Variants in STPG2 observed in about 807,000 individuals in gnomAD.
STPG2 encodes sperm-tail PG-rich repeat-containing protein 2.
Under a neutral mutation model 54.2 loss-of-function variants are expected in STPG2, and 56 were observed. The observed-to-expected ratio is 1.03, with a 90% confidence interval of 0.83 to 1.29. STPG2 has a LOEUF of 1.29. Ranked by LOEUF, STPG2 falls within the 50% of genes most tolerant of loss-of-function variation. The probability of loss-of-function intolerance (pLI) is 0.00; values close to 1 mark genes in which losing one functional copy is unlikely to be tolerated. For missense variants in STPG2, 596 were observed against 544.9 expected, an observed-to-expected ratio of 1.09 and a Z score of -0.93; for synonymous variants, 200 against 181.8, an observed-to-expected ratio of 1.10 and a Z score of -0.81.
intron 7 of STPG2, among the ~76,000 whole-genome samples, chr4:97,950,648 A>G (rs1733430347): frequency 6.6e-6 from 1 of 152,198 alleles, no homozygotes; most frequent in South Asian, 2.1e-4. Context: ...CCATTGCAAA[A>G]TTATAACTGA....
At chr4:97,543,828 G>C (rs1235098782) in intron 4 of STPG2, among the ~76,000 whole-genome samples, 2 of 152,026 alleles carry the variant, frequency 1.3e-5, no homozygotes, top group African/African-American at 4.8e-5. Context: ...ATCTTGGTAA[G>C]AATCACCTGG....
intron 8 of STPG2, among the ~76,000 whole-genome samples, chr4:97,908,579 A>G (rs1351289108): frequency 8.5e-5 from 13 of 152,130 alleles, no homozygotes; most frequent in South Asian, 4.2e-4. Flanking sequence ...TGTTTATTGC[A>G]GCATTATTCA....
At chr4:97,492,179 A>T (rs115331371) in intron 4 of STPG2, among the ~76,000 whole-genome samples, 3,883 of 151,534 alleles carry the variant, frequency 0.026, 83 homozygotes, top group Middle Eastern at 0.034. Flanking sequence ...CTGGTGCCAA[A>T]GGGAAGAGAA....
chr4:98,017,477 C>G (rs1364249120), intron 5 of STPG2, among the ~76,000 whole-genome samples: 1 of 152,172 alleles, frequency 6.6e-6, no homozygotes, highest in Non-Finnish European at 1.5e-5. Flanking sequence ...CTTCATCTTC[C>G]TTTCCCAACA....
intron 10 of STPG2, among the ~76,000 whole-genome samples, chr4:97,633,007 T>C (rs546033033): frequency 6.6e-5 from 10 of 152,228 alleles, no homozygotes; most frequent in African/African-American, 1.9e-4. Context: ...GGTAGATCAA[T>C]AGATAGACAG....
At chr4:97,898,407 C>G (rs1201715187) in intron 8 of STPG2, among the ~76,000 whole-genome samples, 1 of 151,664 alleles carries the variant, frequency 6.6e-6, no homozygotes, top group Non-Finnish European at 1.5e-5. Context: ...ATAAGAAACT[C>G]TCAAAAATCC....
chr4:97,538,648 C>A (rs559775453), intron 4 of STPG2, among the ~76,000 whole-genome samples: 1 of 152,124 alleles, frequency 6.6e-6, no homozygotes. Flanking sequence ...ACTTCCCCAA[C>A]CTAGCAAGGC....
intron 9 of STPG2, among the ~76,000 whole-genome samples, chr4:97,736,495 C>T (rs1312854824): frequency 6.6e-6 from 1 of 152,150 alleles, no homozygotes; most frequent in East Asian, 1.9e-4. Flanking sequence ...AAAATTGGGT[C>T]ACTCCCACCC....
intron 9 of STPG2, among the ~76,000 whole-genome samples, chr4:97,739,591 C>T (rs375864447): frequency 4.1e-4 from 63 of 152,242 alleles, no homozygotes; most frequent in East Asian, 2.9e-3. Flanking sequence ...AACACCTCTA[C>T]GCAAATAAAC....
At chr4:98,041,643 A>T (rs28867388) in intron 5 of STPG2, among the ~76,000 whole-genome samples, 59,877 of 151,732 alleles carry the variant, frequency 0.39, 12,038 homozygotes, top group Middle Eastern at 0.46. Flanking sequence ...ATTTATTGAT[A>T]TGTATATGTT....
intron 8 of STPG2, among the ~76,000 whole-genome samples, chr4:97,908,439 T>C (rs907582778): frequency 6.7e-6 from 1 of 149,928 alleles, no homozygotes; most frequent in Non-Finnish European, 1.5e-5. Flanking sequence ...AGTTCAACCA[T>C]TGTGGAAGTC....
chr4:97,691,365 C>T (rs1188430916), intron 10 of STPG2, among the ~76,000 whole-genome samples: 3 of 152,128 alleles, frequency 2.0e-5, no homozygotes, highest in African/African-American at 7.2e-5. Context: ...TTTCAGGGTA[C>T]AGGCTGCGTG....
At chr4:97,653,861 C>T (rs1358605953) in intron 10 of STPG2, among the ~76,000 whole-genome samples, 2 of 152,022 alleles carry the variant, frequency 1.3e-5, no homozygotes, top group South Asian at 2.1e-4. Context: ...GAAGAAAGAC[C>T]GCTAATAAAG....
chr4:98,106,373 T>C (rs973435713), intron 4 of STPG2, among the ~76,000 whole-genome samples: 2 of 152,146 alleles, frequency 1.3e-5, no homozygotes, highest in Non-Finnish European at 2.9e-5. Context: ...CTGTGTAGTC[T>C]ATGTACCATT....
At chr4:98,061,393 G>T (rs1196615080) in intron 5 of STPG2, among the ~76,000 whole-genome samples, 1 of 152,138 alleles carries the variant, frequency 6.6e-6, no homozygotes, top group Non-Finnish European at 1.5e-5. Context: ...TGCAGAGCAG[G>T]AGGAAGAGAG....
intron 10 of STPG2, among the ~76,000 whole-genome samples, chr4:97,685,506 G>C (rs995660703): frequency 2.6e-5 from 4 of 152,082 alleles, no homozygotes; most frequent in African/African-American, 7.2e-5. Context: ...AAATTACAGA[G>C]ATAGTAAAAA....
chr4:97,789,899 T>G (rs1273155670), intron 9 of STPG2, among the ~76,000 whole-genome samples: 1 of 152,194 alleles, frequency 6.6e-6, no homozygotes, highest in Non-Finnish European at 1.5e-5. Flanking sequence ...ATTTTCTTTC[T>G]TTTTAGTCTT....
intron 5 of STPG2, among the ~76,000 whole-genome samples, chr4:98,104,503 G>A (rs1212732788): frequency 3.3e-5 from 5 of 152,114 alleles, no homozygotes; most frequent in African/African-American, 1.2e-4. Flanking sequence ...TACTGTGATA[G>A]AAAAAGTGAT....
At chr4:97,874,213 G>C (rs1275336669) in intron 8 of STPG2, among the ~76,000 whole-genome samples, 1 of 151,532 alleles carries the variant, frequency 6.6e-6, no homozygotes, top group Non-Finnish European at 1.5e-5. Context: ...TGGAAACTTA[G>C]GGAATCCATT....
Sources: allele counts gnomAD v4.1 joint callset (sites outside exome capture counted in the v4.1 genomes callset), GRCh38; gene constraint gnomAD v4.1.1; transcripts MANE v1.5; gene names NCBI Gene and HGNC (gene_info 2026-07-23, HGNC 2026-07-21).